The following SAMD4B variants were observed in gnomAD, a reference collection of about 807,000 sequenced individuals.
SAMD4B encodes the protein sterile alpha motif domain containing 4B, also known as protein Smaug homolog 2.
In SAMD4B, 5 loss-of-function variants were observed where a neutral mutation model predicts 74.5. That is an observed-to-expected ratio of 0.07 (90% CI 0.04 to 0.14). SAMD4B has a LOEUF of 0.14. SAMD4B is among the 10% of genes least tolerant of loss of function. SAMD4B has a pLI of 1.00. For synonymous variants in SAMD4B, 373 were observed against 374.9 expected, an observed-to-expected ratio of 1.00 and a Z score of 0.06; for missense variants, 608 against 921.8, an observed-to-expected ratio of 0.66 and a Z score of 4.41.
Position 39,376,707 on chromosome 19 carries a change from C to T in SAMD4B, c.1020C>T (p.Asn340=), listed in dbSNP as rs770450548. The change falls in exon 7 of 14, where the codon AAC becomes AAT. Residue 340 remains asparagine, a splice_region_variant and synonymous_variant. Transcript: ENST00000610417. ...TLTEQHLESQ[N]VTKGARHKIA... Reference sequence around the variant, plus strand: ...GTCCCCTTCTGCCCTTATCACAGAACGTCACCAAAGGTGCCCGCCACAAGA... The same window carrying T: ...GTCCCCTTCTGCCCTTATCACAGAATGTCACCAAAGGTGCCCGCCACAAGA... The T allele has an allele frequency of 5.0e-6, 8 of 1,613,904 alleles. No individual in the cohort carries two copies. Among genetic ancestry groups the T allele is most frequent in the African/African-American group, 2.7e-5 (2 of 74,920 alleles).
chr19:39,345,623 A>C (rs2022239634), intron 1 of SAMD4B, among the ~76,000 whole-genome samples: 3 of 151,988 alleles, frequency 2.0e-5, no homozygotes, highest in Admixed American at 6.6e-5. Flanking sequence ...ACTCACCTTC[A>C]ACCTTGTAGA....
intron 1 of SAMD4B, among the ~76,000 whole-genome samples, chr19:39,346,625 T>C (rs2075720498): frequency 6.6e-6 from 1 of 152,008 alleles, no homozygotes; most frequent in Admixed American, 6.6e-5. Flanking sequence ...TTGCATATGA[T>C]GAGATTAAGA....
downstream of SAMD4B, chr19:39,389,254 C>T: frequency 6.2e-7 from 1 of 1,609,138 alleles, no homozygotes. This position sits in a 1 kb window ranked among gnomAD's most constrained non-coding sequence, Gnocchi z 5.3. Context: ...ATATCTCCAC[C>T]TTCCCTCTCT....
At chr19:39,390,548 T>A (rs538473951), downstream of SAMD4B, among the ~76,000 whole-genome samples, 1 of 152,286 alleles carries the variant, frequency 6.6e-6, no homozygotes, top group East Asian at 1.9e-4. Context: ...AGTGCTTTAA[T>A]AAAGAACCAT....
At chr19:39,346,124 G>A (rs954829658) in intron 1 of SAMD4B, among the ~76,000 whole-genome samples, 1 of 152,156 alleles carries the variant, frequency 6.6e-6, no homozygotes, top group African/African-American at 2.4e-5. Flanking sequence ...AGACCCCAGG[G>A]TAAATATTGG....
At chr19:39,348,836 A>G (rs1294250562) in intron 1 of SAMD4B, among the ~76,000 whole-genome samples, 1 of 152,150 alleles carries the variant, frequency 6.6e-6, no homozygotes, top group African/African-American at 2.4e-5. Flanking sequence ...AGAGAAGCAG[A>G]TATATTTTGG....
chr19:39,348,020 CAG>C (rs373854837), intron 1 of SAMD4B, among the ~76,000 whole-genome samples: 262 of 152,176 alleles, frequency 1.7e-3, no homozygotes, highest in Middle Eastern at 0.014. Flanking sequence ...CTGTAGTAGA[CAG>C]GGGGATCAGA....
rs1054303217 is a variant in SAMD4B at position 39,383,749 on chromosome 19, C to T, written c.*222C>T. On this transcript the variant is annotated 3_prime_UTR_variant, in exon 14 of 14. Coordinates refer to ENST00000610417, the MANE Select transcript of SAMD4B (RefSeq NM_001384574.2). This position sits in a 1 kb window ranked among gnomAD's most constrained non-coding sequence, Gnocchi z 4.1. ...CTGCTGAGGCCCGGGGAGTTGGGGG[C>T]AGCCAGGATAAAGGGGGCAGGGACT... 2 of 1,523,284 alleles carry T rather than the reference C, an allele frequency of 1.3e-6. No homozygotes were observed. The highest frequency in any genetic ancestry group is 1.4e-5 in the African/African-American group (1 of 72,716). The allele number at this position is 1,523,284 out of a possible 1,614,324, so 94.4% of individuals were successfully genotyped here.
chr19:39,388,869 G>A (rs376072037), downstream of SAMD4B: 92 of 1,613,114 alleles, frequency 5.7e-5, 1 homozygote, highest in African/African-American at 1.1e-3. Flanking sequence ...TCCACATCTA[G>A]GGAGATGGAG....
intron 3 of SAMD4B, among the ~76,000 whole-genome samples, chr19:39,360,713 A>G (rs1475831909): frequency 1.3e-5 from 2 of 152,278 alleles, no homozygotes; most frequent in South Asian, 2.1e-4. Context: ...ACCTGCCTCA[A>G]AGAAGGAGCT....
intron 4 of SAMD4B, among the ~76,000 whole-genome samples, chr19:39,370,339 T>C (rs2077215398): frequency 6.6e-6 from 1 of 152,234 alleles, no homozygotes; most frequent in African/African-American, 2.4e-5. Flanking sequence ...TTTGGTTTTA[T>C]TTTGTTGTGT....
downstream of SAMD4B, chr19:39,388,712 G>A (rs1200127584): frequency 2.5e-6 from 4 of 1,610,260 alleles, no homozygotes; most frequent in Non-Finnish European, 1.7e-6. Flanking sequence ...TGAAGTGTGA[G>A]GACAAGAGGC....
chr19:39,356,176 T>C (rs115196141), intron 2 of SAMD4B, among the ~76,000 whole-genome samples: 218 of 152,250 alleles, frequency 1.4e-3, no homozygotes, highest in African/African-American at 5.0e-3. Flanking sequence ...TACCCAGCAT[T>C]GTGGGTCTAG....
Position 39,380,628 on chromosome 19 carries a change from T to G in SAMD4B, c.1691T>G (p.Val564Gly). ...AACTCGCTCCCCATAGCTGGCTCTG[T>G]GGGGATGGGAGTGGCCCGGCGTACC... ...GSNSLPIAGS[V>G]GMGVARRTQR... Residue 564 changes from valine to glycine, a missense_variant, in exon 11 of 14, where the codon GTG (valine) becomes GGG (glycine). Physicochemically the swap from Val to Gly is moderately radical, Grantham distance 109 (BLOSUM62 -3). Transcript: ENST00000610417. The G allele has an allele frequency of 2.5e-6, 4 of 1,614,178 alleles. No homozygotes were observed. The highest frequency in any genetic ancestry group is 3.4e-6 in the Non-Finnish European group (4 of 1,180,024).
Position 39,380,090 on chromosome 19 carries a change from CG to C in SAMD4B, c.1649+9del. On this transcript the variant is annotated splice_region_variant and intron_variant, in intron 10 of 13. Coordinates refer to ENST00000610417, the MANE Select transcript of SAMD4B (RefSeq NM_001384574.2). ...AACTACCGGCAGCAGAAAGGGTAGG[CG>C]GGTGGCCAGGTTACAGGGACCTGCC... The C allele has an allele frequency of 6.2e-7, 1 of 1,610,598 alleles. No individual in the cohort carries two copies. The highest frequency in any genetic ancestry group is 8.5e-7 in the Non-Finnish European group (1 of 1,177,758).
At chr19:39,381,517 G>T (rs767786848) in intron 12 of SAMD4B, among the ~76,000 whole-genome samples, 3 of 152,200 alleles carry the variant, frequency 2.0e-5, no homozygotes, top group Non-Finnish European at 2.9e-5. Flanking sequence ...CTGCCCATCA[G>T]CCTACTGGGA....
In SAMD4B at chr19:39,375,812, C is replaced by T; in HGVS notation, c.830C>T (p.Ala277Val). Residue 277 changes from alanine (A) to valine (V), a missense_variant, in exon 5 of 14, where the codon GCC becomes GTC. Ala to Val is a moderately conservative substitution (Grantham distance 64). Transcript: ENST00000610417. The surrounding 1 kb of genome is among the most constrained non-coding windows in gnomAD (Gnocchi z 4.1). The stretch of plus-strand genomic sequence containing the variant: ...CCTCTCTCGCCCCAGAGCAGCGTGG[C>T]CTCCTCTGGCAGTGAGCAGACAGAG... ...HAPLSPQSSVASSGSEQTEEQ... is the reference protein window; with the variant it reads ...HAPLSPQSSVVSSGSEQTEEQ... The T allele has an allele frequency of 6.2e-7, 1 of 1,613,816 alleles. No homozygotes were observed. Among genetic ancestry groups the T allele is most frequent in the African/African-American group, 1.3e-5 (1 of 75,028 alleles).
chr19:39,380,155 G>T (rs2077872804), intron 10 of SAMD4B, 71 bp downstream of exon 10: 8 of 1,175,126 alleles, frequency 6.8e-6, no homozygotes, highest in Non-Finnish European at 7.4e-6. Context: ...CGTGCTTAGA[G>T]GGGTGATTGT....
chr19:39,389,439 C>G (rs2078324738), downstream of SAMD4B: 2 of 1,609,886 alleles, frequency 1.2e-6, no homozygotes, highest in Non-Finnish European at 1.7e-6. This position sits in a 1 kb window ranked among gnomAD's most constrained non-coding sequence, Gnocchi z 5.3. Context: ...TTGTAGGGCC[C>G]ACCTGAGCCA....
Sources: allele counts gnomAD v4.1 joint callset (sites outside exome capture counted in the v4.1 genomes callset), GRCh38; gene constraint gnomAD v4.1.1; non-coding constraint Gnocchi (gnomAD v3.1); transcripts MANE v1.5; gene names NCBI Gene and HGNC (gene_info 2026-07-23, HGNC 2026-07-21).